PPP1R9A: variants seen among roughly 807,000 people sequenced by gnomAD.
PPP1R9A encodes neurabin-1.
Under a neutral mutation model 141.9 loss-of-function variants are expected in PPP1R9A, and 59 were observed. The ratio of observed to expected loss-of-function variants is 0.42; its 90% CI spans 0.34 to 0.52. The LOEUF (loss-of-function observed/expected upper bound fraction) is 0.52, where lower values mean the gene tolerates loss of function less well. Ranked by LOEUF, PPP1R9A falls within the 20% of genes least tolerant of loss-of-function variation. PPP1R9A has a pLI of 0.10. For synonymous variants in PPP1R9A, 500 were observed against 569.7 expected (o/e 0.88, Z 1.74); for missense variants, 1,444 against 1,611.9 (o/e 0.90, Z 1.78).
intron 2 of PPP1R9A, among the ~76,000 whole-genome samples, chr7:94,966,682 A>T (rs192636220): frequency 5.3e-5 from 8 of 152,272 alleles, no homozygotes; most frequent in Non-Finnish European, 5.9e-5. Context: ...ATCATGGAGG[A>T]TAGGCTTTTT....
Position 95,072,926 on chromosome 7 carries a change from T to C in PPP1R9A, c.1396-38333T>C, listed in dbSNP as rs556670619. On this transcript the variant is annotated intron_variant, in intron 2 of 19. Transcript: ENST00000433360. ...TATATGTGCAATATATATTATATAT[T>C]GCATATATATTATATATATTATATA... 9.7e-4 allele frequency among the ~76,000 whole-genome samples: 122 copies of C among 125,616 alleles called. 2 individuals are homozygous for C. The highest frequency in any genetic ancestry group is 3.7e-3 in the African/African-American group (120 of 32,872). 82.4% of individuals were successfully genotyped at this position (125,616 alleles called of 152,430 possible). A position where few individuals can be genotyped will look rare whatever the true frequency, so the allele number is the denominator to read the frequency against.
At chr7:95,241,833 A>C (rs973947383) in intron 8 of PPP1R9A, among the ~76,000 whole-genome samples, 3 of 152,164 alleles carry the variant, frequency 2.0e-5, no homozygotes, top group Admixed American at 6.6e-5. Flanking sequence ...TAGGGAAGCT[A>C]TAAATTGCTG....
chr7:94,974,147 T>G (rs1799171055), intron 2 of PPP1R9A, among the ~76,000 whole-genome samples: 1 of 152,168 alleles, frequency 6.6e-6, no homozygotes, highest in African/African-American at 2.4e-5. Context: ...CTGCATGAGT[T>G]AAGGATGAAT....
chr7:94,942,803 C>CAATAGATA (rs1795480668), intron 2 of PPP1R9A, among the ~76,000 whole-genome samples: 1 of 137,334 alleles, frequency 7.3e-6, no homozygotes, highest in Non-Finnish European at 1.6e-5. Flanking sequence ...GACTGTCTCT[C>CAATAGATA]AATAAATAAA....
chr7:94,994,902 A>T (rs554875010), intron 2 of PPP1R9A, among the ~76,000 whole-genome samples: 1 of 151,740 alleles, frequency 6.6e-6, no homozygotes, highest in African/African-American at 2.4e-5. Flanking sequence ...AAAAAAAAAA[A>T]CACAAAAAAC....
chr7:95,252,321 G>A (rs1337970222), intron 12 of PPP1R9A, among the ~76,000 whole-genome samples, 191 bp downstream of exon 12: 1 of 151,944 alleles, frequency 6.6e-6, no homozygotes, highest in African/African-American at 2.4e-5. Context: ...TTAATATGTA[G>A]CATTAACAAA....
intron 2 of PPP1R9A, among the ~76,000 whole-genome samples, chr7:95,040,012 GAGA>G: frequency 6.6e-6 from 1 of 152,072 alleles, no homozygotes; most frequent in Non-Finnish European, 1.5e-5. Context: ...ATCAAAGACG[GAGA>G]AGATCTTGAA....
intron 2 of PPP1R9A, among the ~76,000 whole-genome samples, chr7:94,995,281 C>T (rs540637352): frequency 6.6e-6 from 1 of 151,988 alleles, no homozygotes; most frequent in South Asian, 2.1e-4. Context: ...TGCCTTGGTG[C>T]CTTTTTCTCC....
chr7:95,079,279 A>G (rs1278674975), intron 2 of PPP1R9A, among the ~76,000 whole-genome samples: 2 of 152,142 alleles, frequency 1.3e-5, no homozygotes, highest in Non-Finnish European at 2.9e-5. Context: ...TTTGTCAAAG[A>G]TCAGATAGTT....
At chr7:94,953,389 G>A (rs535582894) in intron 2 of PPP1R9A, among the ~76,000 whole-genome samples, 15 of 152,264 alleles carry the variant, frequency 9.9e-5, no homozygotes, top group Non-Finnish European at 2.1e-4. Context: ...AAGTCAGGTA[G>A]CATGATGCCT....
intron 2 of PPP1R9A, among the ~76,000 whole-genome samples, chr7:94,929,782 A>G (rs533568891): frequency 6.6e-6 from 1 of 152,330 alleles, no homozygotes; most frequent in African/African-American, 2.4e-5. Flanking sequence ...CAGCAGTCAC[A>G]GTGAACACGG....
chr7:95,218,222 C>T (rs1012774768), intron 7 of PPP1R9A, among the ~76,000 whole-genome samples: 9 of 152,064 alleles, frequency 5.9e-5, no homozygotes, highest in South Asian at 2.1e-4. Flanking sequence ...CACTTCCTTA[C>T]GTACCCAGTA....
chr7:95,233,337 G>A lies in PPP1R9A; in HGVS notation c.2112+7221G>A, dbSNP rs186668670. ...TGAACAATGAGAAGATATGGGCACA[G>A]GGAGGGGAATGTCACACACCAGGGC... On this transcript the variant is annotated intron_variant, in intron 8 of 19. Coordinates refer to ENST00000433360, the MANE Select transcript of PPP1R9A (RefSeq NM_001166160.2). Among the ~76,000 whole-genome samples, 643 of 152,054 alleles carry A rather than the reference G, an allele frequency of 4.2e-3. 4 individuals are homozygous for A. The highest frequency in any genetic ancestry group is 0.014 in the African/African-American group (579 of 41,478).
intron 2 of PPP1R9A, among the ~76,000 whole-genome samples, chr7:95,069,346 A>G (rs768255754): frequency 1.3e-5 from 2 of 152,108 alleles, no homozygotes; most frequent in Non-Finnish European, 2.9e-5. Context: ...CTATAATTAT[A>G]TTCTTTTGGA....
intron 2 of PPP1R9A, among the ~76,000 whole-genome samples, chr7:95,085,782 G>T (rs1816546604): frequency 6.6e-6 from 1 of 151,820 alleles, no homozygotes; most frequent in African/African-American, 2.4e-5. Flanking sequence ...TTTTCACTTG[G>T]TATATGTTTC....
In PPP1R9A at chr7:94,923,941, T is replaced by C. The variant is rs192226651; in HGVS notation, c.1395+12433T>C. Among the ~76,000 whole-genome samples, 3 of 152,316 alleles carry C rather than the reference T, an allele frequency of 2.0e-5. No homozygotes were observed. In the East Asian group the frequency reaches 5.8e-4, roughly 29 times the overall value. Reference sequence around the variant, plus strand: ...CTAATTAAATTGCCTTACAATATAATCTGGTGTTTGGATTATCACTTTTTG... The same window carrying C: ...CTAATTAAATTGCCTTACAATATAACCTGGTGTTTGGATTATCACTTTTTG... On this transcript the variant is annotated intron_variant, in intron 2 of 19. Transcript: ENST00000433360.
intron 6 of PPP1R9A, among the ~76,000 whole-genome samples, chr7:95,202,947 A>G (rs1339868386): frequency 6.6e-6 from 1 of 152,100 alleles, no homozygotes; most frequent in African/African-American, 2.4e-5. Flanking sequence ...TTCCTTAAAT[A>G]TTCTTTTAAG....
chr7:95,186,066 A>G (rs759606116), intron 5 of PPP1R9A, among the ~76,000 whole-genome samples: 22 of 151,640 alleles, frequency 1.5e-4, no homozygotes, highest in African/African-American at 2.7e-4. Context: ...GTGAAGAATG[A>G]TGATAGTGTT....
intron 2 of PPP1R9A, among the ~76,000 whole-genome samples, chr7:94,920,565 C>T (rs1236747809): frequency 6.6e-6 from 1 of 151,990 alleles, no homozygotes. Flanking sequence ...AACTGTTCAC[C>T]AAGTATTTAT....
Sources: allele counts gnomAD v4.1 joint callset (sites outside exome capture counted in the v4.1 genomes callset), GRCh38; gene constraint gnomAD v4.1.1; transcripts MANE v1.5; gene names NCBI Gene and HGNC (gene_info 2026-07-23, HGNC 2026-07-21).